ERBB4: variants seen among roughly 807,000 people sequenced by gnomAD.
ERBB4 encodes erb-b2 receptor tyrosine kinase 4, also known as receptor tyrosine-protein kinase erbB-4.
In ERBB4, 42 loss-of-function variants were observed where a neutral mutation model predicts 158.0. That is an observed-to-expected ratio of 0.27 (90% CI 0.21 to 0.34). ERBB4 has a LOEUF of 0.34. Ranked by LOEUF, ERBB4 falls within the 10% of genes least tolerant of loss-of-function variation. The probability of loss-of-function intolerance (pLI) is 1.00; values close to 1 mark genes in which losing one functional copy is unlikely to be tolerated. For missense variants in ERBB4, 1,333 were observed against 1,624.1 expected (o/e 0.82, Z 3.08); for synonymous variants, 583 against 558.7 (o/e 1.04, Z -0.61).
At position 211,678,148 on chromosome 2, in the gene ERBB4, G is replaced by C. The variant is rs12464077; in HGVS notation, c.1622+904C>G. Among the ~76,000 whole-genome samples, 216 of 152,056 alleles carry C rather than the reference G, an allele frequency of 1.4e-3. 2 individuals carry two copies. Among genetic ancestry groups the C allele is most frequent in the Admixed American group, 8.8e-3 (134 of 15,286 alleles). On this transcript the variant is annotated intron_variant, in intron 13 of 27. Transcript: ENST00000342788. ...AATACTTAATTTAAAATACTGCTTA[G>C]ATTATCTAAAACCTGGCAGAACACT...
chr2:211,728,194 C>T, intron 5 of ERBB4, among the ~76,000 whole-genome samples: 1 of 151,624 alleles, frequency 6.6e-6, no homozygotes, highest in Middle Eastern at 3.4e-3. Flanking sequence ...CTTTCATCTC[C>T]CTTCCTTCCT....
intron 3 of ERBB4, among the ~76,000 whole-genome samples, chr2:211,905,681 T>TATATATATATATAC (rs1480195605): frequency 9.0e-6 from 1 of 110,668 alleles, no homozygotes; most frequent in East Asian, 2.3e-4. Flanking sequence ...TATATATATA[T>TATATATATATATAC]ACACACATAT....
chr2:212,286,536 T>C (rs1221026127), intron 1 of ERBB4, among the ~76,000 whole-genome samples: 2 of 150,660 alleles, frequency 1.3e-5, no homozygotes, highest in Non-Finnish European at 2.9e-5. Context: ...TCTTTTACAA[T>C]GGAGAAAATG....
chr2:212,463,305 A>G (rs1688666422), intron 1 of ERBB4, among the ~76,000 whole-genome samples: 1 of 152,132 alleles, frequency 6.6e-6, no homozygotes, highest in East Asian at 1.9e-4. Context: ...TGAATATGCT[A>G]ATTATCCTGG....
intron 9 of ERBB4, among the ~76,000 whole-genome samples, chr2:211,708,367 C>G (rs555204871): frequency 5.3e-5 from 8 of 151,890 alleles, no homozygotes; most frequent in African/African-American, 1.5e-4. Flanking sequence ...CAGGTTTAAG[C>G]GCTATGATTA....
intron 1 of ERBB4, among the ~76,000 whole-genome samples, chr2:212,315,500 C>A (rs2087233598): frequency 6.6e-6 from 1 of 151,302 alleles, no homozygotes; most frequent in Non-Finnish European, 1.5e-5. Flanking sequence ...TATATAGCAA[C>A]AAATAACTTT....
chr2:211,933,185 T>A (rs2080223140), intron 3 of ERBB4, among the ~76,000 whole-genome samples: 1 of 152,096 alleles, frequency 6.6e-6, no homozygotes, highest in Non-Finnish European at 1.5e-5. Flanking sequence ...ATGATACAAT[T>A]TTAATTACAA....
intron 20 of ERBB4, 75 bp downstream of exon 20, chr2:211,561,828 C>T (rs757506979): frequency 4.0e-6 from 5 of 1,257,636 alleles, no homozygotes; most frequent in Non-Finnish European, 4.7e-6. Context: ...AACATATTTT[C>T]AATATGAAAA....
chr2:211,591,808 T>C (rs1245269140), intron 19 of ERBB4, among the ~76,000 whole-genome samples: 1 of 152,230 alleles, frequency 6.6e-6, no homozygotes, highest in Non-Finnish European at 1.5e-5. Flanking sequence ...GTGTGAATCC[T>C]GCCTGAAATA....
chr2:211,858,605 T>A (rs1450663874), intron 3 of ERBB4, among the ~76,000 whole-genome samples: 1 of 152,152 alleles, frequency 6.6e-6, no homozygotes, highest in Non-Finnish European at 1.5e-5. Flanking sequence ...TTTTTTTATT[T>A]TGGCCAGCAA....
chr2:212,185,344 G>C (rs1017787601), intron 1 of ERBB4, among the ~76,000 whole-genome samples: 2 of 151,390 alleles, frequency 1.3e-5, no homozygotes, highest in Non-Finnish European at 2.9e-5. Flanking sequence ...TGTTCTTGGG[G>C]TATGTGCTTG....
rs375557716 is a variant in ERBB4, at chr2:212,503,735, C to G, written c.82+34714G>C. Among the ~76,000 whole-genome samples the G allele has an allele frequency of 4.6e-5, 7 of 152,264 alleles. No individual in the cohort carries two copies. The South Asian group carries it at 6.2e-4, about 14-fold the overall frequency. On this transcript the variant is annotated intron_variant, in intron 1 of 27. Coordinates refer to ENST00000342788, the MANE Select transcript of ERBB4 (RefSeq NM_005235.3). ...ATGCTGTGTCATGTTGTAGAAAACA[C>G]AAAGCATTACGTGACCTTTAGAGGA... is the stretch of plus-strand genomic sequence containing the variant.
At chr2:211,631,762 A>C (rs2070141437) in intron 16 of ERBB4, among the ~76,000 whole-genome samples, 1 of 152,132 alleles carries the variant, frequency 6.6e-6, no homozygotes, top group East Asian at 1.9e-4. Context: ...TTACCTAAAA[A>C]ATATTTGACC....
intron 2 of ERBB4, among the ~76,000 whole-genome samples, chr2:212,008,800 T>G (rs913767667): frequency 2.6e-5 from 4 of 152,066 alleles, no homozygotes; most frequent in Non-Finnish European, 5.9e-5. Context: ...TAAGAGAAAA[T>G]AAGGAAATTG....
intron 1 of ERBB4, among the ~76,000 whole-genome samples, chr2:212,147,566 C>T (rs542613680): frequency 6.6e-6 from 1 of 152,142 alleles, no homozygotes; most frequent in South Asian, 2.1e-4. Flanking sequence ...GAAGCACTCA[C>T]AAACTACTAT....
chr2:211,840,761 T>TA (rs1410962614), intron 3 of ERBB4, among the ~76,000 whole-genome samples: 1 of 152,114 alleles, frequency 6.6e-6, no homozygotes, highest in East Asian at 1.9e-4. Flanking sequence ...CCAATATCAT[T>TA]AATGATAAAC....
intron 3 of ERBB4, among the ~76,000 whole-genome samples, chr2:211,803,862 T>A (rs577891442): frequency 6.6e-6 from 1 of 152,032 alleles, no homozygotes; most frequent in South Asian, 2.1e-4. Context: ...TGATAAAGAA[T>A]GGAAAGGGAA....
rs186992082 is a variant in ERBB4 at position 212,468,359 on chromosome 2, T to C, written c.82+70090A>G. Among the ~76,000 whole-genome samples, 648 of 152,274 alleles carry C rather than the reference T, an allele frequency of 4.3e-3. 3 individuals carry two copies. The highest frequency in any genetic ancestry group is 0.041 in the South Asian group (196 of 4,818). ...CATTTTGTACCTCCCATAATTCCCATGCACTGTGGGAGGGACCCGGTGGAA... is the reference window on the plus strand; with the variant it reads ...CATTTTGTACCTCCCATAATTCCCACGCACTGTGGGAGGGACCCGGTGGAA... On this transcript the variant is annotated intron_variant, in intron 1 of 27. Coordinates refer to ENST00000342788, the MANE Select transcript of ERBB4 (RefSeq NM_005235.3).
chr2:211,850,063 C>A (rs1370903904), intron 3 of ERBB4, among the ~76,000 whole-genome samples: 1 of 151,998 alleles, frequency 6.6e-6, no homozygotes, highest in East Asian at 1.9e-4. Flanking sequence ...TTCCATCCAA[C>A]CTTCTATGCT....
Sources: gnomAD v4.1 joint callset for allele counts (sites outside exome capture counted in the v4.1 genomes callset) on GRCh38, gnomAD v4.1.1 for gene constraint, MANE v1.5 for transcripts, NCBI Gene and HGNC (gene_info 2026-07-23, HGNC 2026-07-21) for gene names.